The following GALNT5 variants were observed in gnomAD, a reference collection of about 807,000 sequenced individuals.
GALNT5 encodes UDP-GalNAc:polypeptide N-acetylgalactosaminyltransferase 5.
GALNT5 carries 72 observed loss-of-function variants against 85.4 expected under a neutral mutation model. The ratio of observed to expected loss-of-function variants is 0.84; its 90% CI spans 0.70 to 1.03. The LOEUF is 1.03. GALNT5 is among the 50% of genes least tolerant of loss of function. The pLI, the probability that GALNT5 is intolerant of heterozygous loss-of-function variation, is 0.00. For missense variants in GALNT5, 1,137 were observed against 1,135.5 expected (o/e 1.00, Z -0.02); for synonymous variants, 404 against 397.0 (o/e 1.02, Z -0.21).
intron 2 of GALNT5, among the ~76,000 whole-genome samples, chr2:157,285,601 G>T (rs1249257150): frequency 1.3e-5 from 2 of 152,270 alleles, no homozygotes; most frequent in East Asian, 3.9e-4. Context: ...AGAATGAAAG[G>T]GTCTTATTTG....
intron 1 of GALNT5, among the ~76,000 whole-genome samples, chr2:157,265,229 T>C (rs1254005809): frequency 2.6e-5 from 4 of 152,210 alleles, no homozygotes; most frequent in Non-Finnish European, 5.9e-5. Context: ...AAGGAAAACT[T>C]GTTAAAAGGG....
rs1683321982 is a variant in GALNT5 at position 157,300,700 on chromosome 2, G to C, written c.2140G>C (p.Glu714Gln). ...FKVWMCGGEI[E>Q]IIPCSRVGHI... ...GGTGTGGATGTGTGGTGGTGAAATTGAGATCATTCCCTGCTCCCGAGTGGG... is the reference window on the plus strand; with the variant it reads ...GGTGTGGATGTGTGGTGGTGAAATTCAGATCATTCCCTGCTCCCGAGTGGG... The change falls in exon 7 of 10, where the codon GAG becomes CAG. Residue 714 changes from glutamate to glutamine, a missense_variant. Transcript: ENST00000259056. 1 of 1,613,114 alleles carries C rather than the reference G, an allele frequency of 6.2e-7. No homozygotes were observed. Among genetic ancestry groups the C allele is most frequent in the South Asian group, 1.1e-5 (1 of 91,032 alleles).
rs1167725831 is a variant in GALNT5, at chr2:157,317,192, A to AT, written c.*5845dup. Among the ~76,000 whole-genome samples the AT allele has an allele frequency of 7.4e-6, 1 of 135,032 alleles. No homozygotes were observed. The highest frequency in any genetic ancestry group is 3.1e-5 in the African/African-American group (1 of 31,932). The allele number at this position is 135,032 out of a possible 152,430, so 88.6% of individuals were successfully genotyped here. On this transcript the variant is annotated 3_prime_UTR_variant, in exon 10 of 10. Transcript: ENST00000259056. ...TGTGTGTGTATATATATATATATATATATATATTTTTTTTTTTGATGCTTT... is the reference window on the plus strand; with the variant it reads ...TGTGTGTGTATATATATATATATATATTATATATTTTTTTTTTTGATGCTTT...
At chr2:157,300,528 T>C (rs1683317861) in intron 6 of GALNT5, 148 bp from the exon 7 acceptor site, 24 of 620,886 alleles carry the variant, frequency 3.9e-5, no homozygotes, top group Non-Finnish European at 5.1e-5. Flanking sequence ...AATAAGCCTG[T>C]TGAGTTTGAT....
At position 157,312,024 on chromosome 2, in the gene GALNT5, G is replaced by C. The variant is rs1318132347; in HGVS notation, c.*676G>C. ...CCTTCAAATGCTTATTTAATTCTAG[G>C]TATGAACACTATTTCAGTTCATTTT... On this transcript the variant is annotated 3_prime_UTR_variant, in exon 10 of 10. Coordinates refer to ENST00000259056, the MANE Select transcript of GALNT5 (RefSeq NM_014568.3). The C allele has an allele frequency of 6.6e-6, 1 of 152,032 alleles. No individual in the cohort carries two copies. Among genetic ancestry groups the C allele is most frequent in the African/African-American group, 2.4e-5 (1 of 41,394 alleles). 9.4% of individuals were successfully genotyped at this position (152,032 alleles called of 1,614,324 possible).
intron 1 of GALNT5, among the ~76,000 whole-genome samples, chr2:157,274,865 T>C (rs539289764): frequency 1.3e-4 from 20 of 152,360 alleles, no homozygotes; most frequent in Middle Eastern, 3.4e-3. Flanking sequence ...TTGGCTTTTG[T>C]TGCCATTGCT....
At chr2:157,310,329 C>A (rs1046596847) in intron 9 of GALNT5, among the ~76,000 whole-genome samples, 1 of 152,074 alleles carries the variant, frequency 6.6e-6, no homozygotes, top group Non-Finnish European at 1.5e-5. Context: ...AGTTTTCATG[C>A]TATTGCTACT....
At chr2:157,308,354 G>A (rs112914577) in intron 8 of GALNT5, among the ~76,000 whole-genome samples, 17 of 152,232 alleles carry the variant, frequency 1.1e-4, no homozygotes, top group East Asian at 3.9e-4. Flanking sequence ...AGATACAATC[G>A]CTATCCAACT....
In GALNT5 at chr2:157,293,275, G is replaced by A. The variant is rs143246757; in HGVS notation, c.1742-2388G>A. 9.3e-3 allele frequency among the ~76,000 whole-genome samples: 1,423 copies of A among 152,306 alleles called. 13 individuals carry two copies. Among genetic ancestry groups the A allele is most frequent in the Middle Eastern group, 0.044 (13 of 294 alleles). On this transcript the variant is annotated intron_variant, in intron 3 of 9. Transcript: ENST00000259056. ...CAAGATCAAGGCACTAGCAGATTCG[G>A]TGTCTAGTGACAGCTCACTGTCTGC...
intron 2 of GALNT5, among the ~76,000 whole-genome samples, chr2:157,285,777 C>A (rs756860179): frequency 2.6e-5 from 4 of 152,138 alleles, no homozygotes; most frequent in Non-Finnish European, 5.9e-5. Flanking sequence ...ACTACATCAC[C>A]TTACAACACT....
chr2:157,259,178 A>T lies in GALNT5; in HGVS notation c.1096A>T (p.Met366Leu). ...SKHISRNRSEMSSSSLAPHRV... is the reference protein window; with the variant it reads ...SKHISRNRSELSSSSLAPHRV... ...ACACATTTCCAGGAATAGAAGTGAG[A>T]TGTCTTCCTCTTCACTTGCTCCACA... Residue 366 changes from methionine (M) to leucine (L), a missense_variant, in exon 1 of 10, where the codon ATG becomes TTG. Coordinates refer to ENST00000259056, the MANE Select transcript of GALNT5 (RefSeq NM_014568.3). 1 of 1,534,126 alleles carries T rather than the reference A, an allele frequency of 6.5e-7. No individual in the cohort carries two copies. The highest frequency in any genetic ancestry group is 8.7e-7 in the Non-Finnish European group (1 of 1,143,756).
chr2:157,290,097 ATATAT>A (rs1683064493), intron 3 of GALNT5, among the ~76,000 whole-genome samples: 1 of 143,804 alleles, frequency 7.0e-6, no homozygotes, highest in Non-Finnish European at 1.5e-5. Context: ...GTATATATAT[ATATAT>A]ATATATATAT....
intron 8 of GALNT5, among the ~76,000 whole-genome samples, chr2:157,307,316 C>G (rs1026442435): frequency 1.3e-5 from 2 of 152,172 alleles, no homozygotes; most frequent in Admixed American, 1.3e-4. Flanking sequence ...CCAGTGACTA[C>G]AACATTCATC....
intron 3 of GALNT5, among the ~76,000 whole-genome samples, chr2:157,294,386 A>T (rs138952013): frequency 4.1e-4 from 62 of 152,280 alleles, no homozygotes; most frequent in African/African-American, 1.4e-3. Context: ...TGGCCCTGGG[A>T]TCCAGAGTAA....
chr2:157,279,963 T>C (rs1682823080), intron 1 of GALNT5, among the ~76,000 whole-genome samples: 1 of 152,108 alleles, frequency 6.6e-6, no homozygotes, highest in African/African-American at 2.4e-5. Context: ...CAGACCTCAA[T>C]TTTTTGTATT....
At chr2:157,273,122 T>C (rs1375218308) in intron 1 of GALNT5, among the ~76,000 whole-genome samples, 1 of 152,182 alleles carries the variant, frequency 6.6e-6, no homozygotes, top group Non-Finnish European at 1.5e-5. Flanking sequence ...TTGCAGTTCA[T>C]TGTGCTCTAG....
chr2:157,289,604 A>G (rs1447436388), intron 3 of GALNT5, among the ~76,000 whole-genome samples: 1 of 152,184 alleles, frequency 6.6e-6, no homozygotes, highest in Non-Finnish European at 1.5e-5. Context: ...AGCTAGGTGT[A>G]TCTTAATTGC....
Position 157,274,377 on chromosome 2 carries a change from T to C in GALNT5, c.1455-9905T>C, listed in dbSNP as rs188770483. Among the ~76,000 whole-genome samples, 401 of 152,352 alleles carry C rather than the reference T, an allele frequency of 2.6e-3. 2 individuals are homozygous for C. The highest frequency in any genetic ancestry group is 9.0e-3 in the African/African-American group (374 of 41,572). On this transcript the variant is annotated intron_variant, in intron 1 of 9. Transcript: ENST00000259056. ...GGTATTTCTATGGGAATGGTATTTC[T>C]AGTTCTAGATCCCTGAGGAATCGCC...
chr2:157,309,764 C>T (rs1258854553), intron 9 of GALNT5, among the ~76,000 whole-genome samples: 2 of 152,166 alleles, frequency 1.3e-5, no homozygotes, highest in African/African-American at 4.8e-5. Flanking sequence ...AACATTTCTC[C>T]CATTAGATCT....
Sources: allele counts gnomAD v4.1 joint callset (sites outside exome capture counted in the v4.1 genomes callset), GRCh38; gene constraint gnomAD v4.1.1; transcripts MANE v1.5; gene names NCBI Gene and HGNC (gene_info 2026-07-23, HGNC 2026-07-21).